The following SMYD3 variants were observed in gnomAD, a reference collection of about 807,000 sequenced individuals.
SMYD3 encodes the protein histone-lysine N-methyltransferase SMYD3.
SMYD3 carries 36 observed loss-of-function variants against 57.7 expected under a neutral mutation model. That is an observed-to-expected ratio of 0.62 (90% CI 0.48 to 0.82). The LOEUF (loss-of-function observed/expected upper bound fraction) is 0.82. Among genes scored for constraint, SMYD3 ranks in the 40% least tolerant of loss-of-function variants. SMYD3 has a pLI of 0.00. For missense variants in SMYD3, 515 were observed against 538.8 expected (o/e 0.96, Z 0.44); for synonymous variants, 211 against 195.0 (o/e 1.08, Z -0.68).
chr1:245,828,193 T>G (rs1218188764), intron 10 of SMYD3, among the ~76,000 whole-genome samples: 1 of 152,224 alleles, frequency 6.6e-6, no homozygotes. Flanking sequence ...TGCTTGCTCC[T>G]TAAGACGGGC....
At chr1:246,420,031 T>C (rs948028161) in intron 1 of SMYD3, among the ~76,000 whole-genome samples, 3 of 152,194 alleles carry the variant, frequency 2.0e-5, no homozygotes, top group Non-Finnish European at 4.4e-5. Context: ...AAACCCCGTC[T>C]CTATTAAAAA....
At chr1:245,784,456 G>A (rs2046955533) in intron 10 of SMYD3, among the ~76,000 whole-genome samples, 1 of 152,034 alleles carries the variant, frequency 6.6e-6, no homozygotes, top group South Asian at 2.1e-4. Flanking sequence ...ATTATATCTG[G>A]GCCTCAGCTA....
intron 5 of SMYD3, among the ~76,000 whole-genome samples, chr1:246,023,221 G>C (rs954163045): frequency 1.3e-5 from 2 of 152,204 alleles, no homozygotes; most frequent in African/African-American, 4.8e-5. Context: ...CCAAGCTCTT[G>C]CTAATCAGTG....
At chr1:246,213,709 C>G (rs1442652243) in intron 5 of SMYD3, among the ~76,000 whole-genome samples, 1 of 152,184 alleles carries the variant, frequency 6.6e-6, no homozygotes, top group East Asian at 1.9e-4. Context: ...TCCATTCTCA[C>G]TTCAGCATGA....
chr1:246,014,728 T>C (rs533243395), intron 5 of SMYD3, among the ~76,000 whole-genome samples: 33 of 152,278 alleles, frequency 2.2e-4, no homozygotes, highest in African/African-American at 7.5e-4. Flanking sequence ...GAATCCAGTG[T>C]TGGGGCTCAT....
At position 246,002,247 on chromosome 1, in the gene SMYD3, C is replaced by T. The variant is rs71636602; in HGVS notation, c.532-72310G>A. Among the ~76,000 whole-genome samples the T allele has an allele frequency of 4.3e-3, 613 of 142,270 alleles. 4 individuals are homozygous for T. Among genetic ancestry groups the T allele is most frequent in the South Asian group, 0.024 (98 of 4,134 alleles). The allele number at this position is 142,270 out of a possible 152,430, so 93.3% of individuals were successfully genotyped here. ...TCACCCAGGCTGGAGTGCTGTGGCG[C>T]GATCTCGGCTCACTGCAAGCTCCGC... On this transcript the variant is annotated intron_variant, in intron 5 of 11. Transcript: ENST00000490107.
intron 5 of SMYD3, among the ~76,000 whole-genome samples, chr1:246,095,415 A>C (rs941190712): frequency 6.6e-6 from 1 of 152,266 alleles, no homozygotes; most frequent in African/African-American, 2.4e-5. Context: ...ACAACACAGC[A>C]GAGGAGTCAG....
rs922247276 is a variant in SMYD3, at chr1:246,126,681, T to C, written c.532-196744A>G. Among the ~76,000 whole-genome samples, 4 of 152,220 alleles carry C rather than the reference T, an allele frequency of 2.6e-5. 1 individual carries two copies. The highest frequency in any genetic ancestry group is 9.6e-5 in the African/African-American group (4 of 41,460). ...ATGTGTATACTTATTTACTCCTTATTTCAAAGCTTCAAATAGAAAGAAAAG... is the reference window on the plus strand; with the variant it reads ...ATGTGTATACTTATTTACTCCTTATCTCAAAGCTTCAAATAGAAAGAAAAG... On this transcript the variant is annotated intron_variant, in intron 5 of 11. Transcript: ENST00000490107.
At chr1:246,238,266 A>G (rs2063543213) in intron 5 of SMYD3, among the ~76,000 whole-genome samples, 1 of 152,130 alleles carries the variant, frequency 6.6e-6, no homozygotes, top group Non-Finnish European at 1.5e-5. Context: ...CCTGAGCTCA[A>G]GCAATCTGCC....
intron 5 of SMYD3, among the ~76,000 whole-genome samples, chr1:246,025,650 C>CA (rs925073885): frequency 1.2e-4 from 18 of 152,232 alleles, no homozygotes; most frequent in African/African-American, 4.3e-4. Context: ...TTTGCAAAGA[C>CA]AGAGACTCCA....
At chr1:245,859,369 G>A (rs2051417335) in intron 9 of SMYD3, among the ~76,000 whole-genome samples, 1 of 152,186 alleles carries the variant, frequency 6.6e-6, no homozygotes, top group East Asian at 1.9e-4. Context: ...CAAGGGAAAC[G>A]ATGCTTTAAA....
chr1:246,313,737 C>G (rs1390220278), intron 5 of SMYD3, among the ~76,000 whole-genome samples: 1 of 151,882 alleles, frequency 6.6e-6, no homozygotes, highest in African/African-American at 2.4e-5. Context: ...ATGTTAAGGT[C>G]AAATAAATAT....
chr1:246,223,268 A>C (rs2063283055), intron 5 of SMYD3, among the ~76,000 whole-genome samples: 3 of 152,134 alleles, frequency 2.0e-5, no homozygotes, highest in Admixed American at 2.0e-4. Flanking sequence ...AGAAGACAGC[A>C]GTGTTGCCAG....
chr1:246,230,892 T>C (rs1359639094), intron 5 of SMYD3, among the ~76,000 whole-genome samples: 1 of 152,234 alleles, frequency 6.6e-6, no homozygotes, highest in Non-Finnish European at 1.5e-5. Context: ...TATTTCATAG[T>C]GCAGTTCTGA....
At chr1:246,415,157 T>C (rs893546504) in intron 1 of SMYD3, among the ~76,000 whole-genome samples, 2 of 152,182 alleles carry the variant, frequency 1.3e-5, no homozygotes, top group Non-Finnish European at 2.9e-5. Context: ...CAAAACATGA[T>C]AATAAAACTA....
intron 5 of SMYD3, among the ~76,000 whole-genome samples, chr1:246,209,066 C>G (rs1265534637): frequency 6.6e-6 from 1 of 152,100 alleles, no homozygotes; most frequent in African/African-American, 2.4e-5. Flanking sequence ...GTCTCCATCA[C>G]AGAATATACA....
At chr1:246,022,130 C>T (rs1371034124) in intron 5 of SMYD3, among the ~76,000 whole-genome samples, 4 of 152,196 alleles carry the variant, frequency 2.6e-5, no homozygotes, top group African/African-American at 9.7e-5. Flanking sequence ...AATTCATGAT[C>T]ATTATGAAGC....
intron 11 of SMYD3, among the ~76,000 whole-genome samples, chr1:245,758,948 G>A (rs562618478): frequency 9.2e-5 from 14 of 152,176 alleles, no homozygotes; most frequent in African/African-American, 2.2e-4. Context: ...TGCTTTAGCC[G>A]GCTTTCTCTG....
chr1:246,409,926 C>A (rs1488213880), intron 1 of SMYD3, among the ~76,000 whole-genome samples: 2 of 152,190 alleles, frequency 1.3e-5, no homozygotes, highest in African/African-American at 2.4e-5. Flanking sequence ...GTATTTTATT[C>A]TCTTTGAAGC....
Sources: allele counts gnomAD v4.1 joint callset (sites outside exome capture counted in the v4.1 genomes callset), GRCh38; gene constraint gnomAD v4.1.1; transcripts MANE v1.5; gene names NCBI Gene and HGNC (gene_info 2026-07-23, HGNC 2026-07-21).